The following USP10 variants were observed in gnomAD, a reference collection of about 807,000 sequenced individuals.
USP10 encodes ubiquitin specific peptidase 10.
USP10 carries 22 observed loss-of-function variants against 84.5 expected under a neutral mutation model. That is an observed-to-expected ratio of 0.26 (90% CI 0.19 to 0.37). The LOEUF (loss-of-function observed/expected upper bound fraction) is 0.37. Among genes scored for constraint, USP10 ranks in the 10% least tolerant of loss-of-function variants. USP10 has a pLI of 1.00. For missense variants in USP10, 1,019 were observed against 998.9 expected (o/e 1.02, Z -0.27); for synonymous variants, 454 against 387.6 (o/e 1.17, Z -2.01).
intron 4 of USP10, among the ~76,000 whole-genome samples, chr16:84,749,951 G>A (rs1325266096): frequency 1.3e-5 from 2 of 152,118 alleles, no homozygotes; most frequent in Non-Finnish European, 2.9e-5. Flanking sequence ...ACACGCCAGG[G>A]GAGAGCGTGT....
Position 84,759,808 on chromosome 16 carries a change from A to T in USP10, c.1395-83A>T, listed in dbSNP as rs139729204. 6 of 1,364,368 alleles carry T rather than the reference A, an allele frequency of 4.4e-6. No individual in the cohort carries two copies. In the South Asian group the frequency reaches 4.7e-5, roughly 11 times the overall value. The allele number at this position is 1,364,368 out of a possible 1,614,324, so 84.5% of individuals were successfully genotyped here. On this transcript the variant is annotated intron_variant, in intron 6 of 13. Coordinates refer to ENST00000219473, the MANE Select transcript of USP10 (RefSeq NM_005153.3). ...AATCTACTATACTCGTATAGCTGAT[A>T]TTCTACTTAGCCATCAAAGCTCTTT...
intron 1 of USP10, among the ~76,000 whole-genome samples, chr16:84,730,964 T>C (rs961801234): frequency 1.6e-4 from 24 of 149,726 alleles, no homozygotes; most frequent in African/African-American, 5.6e-4. Flanking sequence ...TTTTAATATA[T>C]AGCATTTCTA....
At chr16:84,772,757 A>G in intron 12 of USP10, 72 bp downstream of exon 12, 10 of 1,569,164 alleles carry the variant, frequency 6.4e-6, no homozygotes, top group Non-Finnish European at 7.8e-6. Flanking sequence ...ACCCTGTAGC[A>G]TTTCTTTATG....
chr16:84,702,944 G>A (rs1905076691), intron 1 of USP10, among the ~76,000 whole-genome samples: 1 of 123,390 alleles, frequency 8.1e-6, no homozygotes, highest in African/African-American at 3.0e-5. Context: ...AGTGAGCCGA[G>A]ATCATGCCAC....
intron 10 of USP10, among the ~76,000 whole-genome samples, chr16:84,767,412 CT>C (rs746103674): frequency 6.6e-6 from 1 of 152,128 alleles, no homozygotes; most frequent in African/African-American, 2.4e-5. Flanking sequence ...GGGTGGCAGC[CT>C]TTTTTCCTGG....
intron 1 of USP10, among the ~76,000 whole-genome samples, chr16:84,714,803 T>G (rs888231456): frequency 3.3e-5 from 5 of 151,996 alleles, no homozygotes; most frequent in African/African-American, 1.2e-4. Flanking sequence ...CTAAGGGATA[T>G]TAAGAAGATA....
intron 1 of USP10, among the ~76,000 whole-genome samples, chr16:84,718,613 C>T (rs781440149): frequency 1.3e-5 from 2 of 151,844 alleles, no homozygotes; most frequent in Non-Finnish European, 2.9e-5. Context: ...AAAATTAGCC[C>T]AGACATCGTG....
chr16:84,773,959 A>G (rs1443799971), intron 12 of USP10, among the ~76,000 whole-genome samples: 2 of 152,154 alleles, frequency 1.3e-5, no homozygotes, highest in Non-Finnish European at 2.9e-5. Context: ...AAAATATGAC[A>G]TAAATGGGGG....
chr16:84,723,154 T>G (rs1379008938), intron 1 of USP10, among the ~76,000 whole-genome samples: 2 of 151,994 alleles, frequency 1.3e-5, no homozygotes, highest in Admixed American at 6.6e-5. Context: ...GGGTTTTTTT[T>G]TTTTTGGCCT....
chr16:84,778,386 C>T (rs1915239421), intron 13 of USP10, among the ~76,000 whole-genome samples: 1 of 152,036 alleles, frequency 6.6e-6, no homozygotes, highest in Non-Finnish European at 1.5e-5. Context: ...TAATCTATTC[C>T]ACGAAAAAAT....
chr16:84,777,265 A>C (rs1276758459), intron 13 of USP10, among the ~76,000 whole-genome samples: 1 of 152,192 alleles, frequency 6.6e-6, no homozygotes, highest in East Asian at 1.9e-4. Context: ...TAGAATGGTG[A>C]CATGCAGTCC....
intron 1 of USP10, among the ~76,000 whole-genome samples, chr16:84,715,457 A>G (rs552188939): frequency 2.8e-4 from 42 of 152,288 alleles, no homozygotes; most frequent in African/African-American, 8.9e-4. Context: ...AAGATGGGTA[A>G]TGAGCTAGTC....
intron 13 of USP10, among the ~76,000 whole-genome samples, 157 bp downstream of exon 13, chr16:84,775,382 T>C (rs1036044259): frequency 1.3e-5 from 2 of 152,158 alleles, no homozygotes; most frequent in African/African-American, 2.4e-5. Context: ...GAGTTTTACC[T>C]GAAACTCTGC....
intron 1 of USP10, among the ~76,000 whole-genome samples, chr16:84,722,589 T>A (rs1907953070): frequency 6.6e-6 from 1 of 152,046 alleles, no homozygotes; most frequent in African/African-American, 2.4e-5. Context: ...TGAGACAGAG[T>A]CTCACTCTGT....
At chr16:84,752,213 C>T (rs987075042) in intron 4 of USP10, among the ~76,000 whole-genome samples, 12 of 152,108 alleles carry the variant, frequency 7.9e-5, no homozygotes, top group African/African-American at 2.9e-4. Flanking sequence ...TCTAGGCAGC[C>T]CCACCAACTC....
At chr16:84,750,717 G>A (rs751096707) in intron 4 of USP10, among the ~76,000 whole-genome samples, 2 of 152,098 alleles carry the variant, frequency 1.3e-5, no homozygotes, top group Non-Finnish European at 2.9e-5. Context: ...TCAAAATTAT[G>A]CAACAGTATA....
At chr16:84,706,307 A>G (rs1905496458) in intron 1 of USP10, among the ~76,000 whole-genome samples, 1 of 152,086 alleles carries the variant, frequency 6.6e-6, no homozygotes, top group African/African-American at 2.4e-5. Flanking sequence ...TTCCTGCCCA[A>G]TATAAAAAAC....
At chr16:84,753,979 A>G (rs1226183647) in intron 4 of USP10, among the ~76,000 whole-genome samples, 1 of 152,214 alleles carries the variant, frequency 6.6e-6, no homozygotes, top group African/African-American at 2.4e-5. Flanking sequence ...GGGAGGCCTC[A>G]TGCAGCTAGT....
At chr16:84,739,889 A>G in intron 2 of USP10, among the ~76,000 whole-genome samples, 1 of 152,162 alleles carries the variant, frequency 6.6e-6, no homozygotes, top group East Asian at 1.9e-4. Context: ...GCTGTGTTGC[A>G]ATGTAGTGAT....
Sources: allele counts gnomAD v4.1 joint callset (sites outside exome capture counted in the v4.1 genomes callset), GRCh38; gene constraint gnomAD v4.1.1; transcripts MANE v1.5; gene names NCBI Gene and HGNC (gene_info 2026-07-23, HGNC 2026-07-21).